Variants in SSH2 observed in about 807,000 individuals in gnomAD.
The protein encoded by SSH2 is slingshot protein phosphatase 2, also known as protein phosphatase Slingshot homolog 2.
SSH2 carries 37 observed loss-of-function variants against 135.2 expected under a neutral mutation model. That is an observed-to-expected ratio of 0.27 (90% confidence interval 0.21 to 0.36). SSH2 has a LOEUF of 0.36. Among genes scored for constraint, SSH2 ranks in the 10% least tolerant of loss-of-function variants. SSH2 has a pLI of 1.00. For missense variants in SSH2, 1,408 were observed against 1,765.3 expected, an observed-to-expected ratio of 0.80 and a Z score of 3.63; for synonymous variants, 628 against 646.2, an observed-to-expected ratio of 0.97 and a Z score of 0.43.
intron 2 of SSH2, among the ~76,000 whole-genome samples, chr17:29,810,805 T>C (rs939257274): frequency 1.3e-5 from 2 of 152,238 alleles, no homozygotes; most frequent in Non-Finnish European, 2.9e-5. Context: ...TCCAAATGAC[T>C]TTGTTAGGTT....
rs116734442 is a variant in SSH2 at position 29,806,334 on chromosome 17, C to T, written c.145-12397G>A. Among the ~76,000 whole-genome samples, 1,278 of 152,248 alleles carry T rather than the reference C, an allele frequency of 8.4e-3. 21 individuals carry two copies. The highest frequency in any genetic ancestry group is 0.028 in the African/African-American group (1,176 of 41,542). On this transcript the variant is annotated intron_variant, in intron 2 of 15. Transcript: ENST00000540801. The stretch of plus-strand genomic sequence containing the variant: ...AAGTGAGATAATTTGCTCAAAGTAA[C>T]CTAAGAGTACACAGCCAAGTCAGGA...
intron 3 of SSH2, chr17:29,776,269 A>G (rs987691458): frequency 6.6e-6 from 1 of 152,184 alleles, no homozygotes; most frequent in African/African-American, 2.4e-5. Flanking sequence ...TTTGAGCTGA[A>G]TAGGTCTCAA....
chr17:29,666,232 G>T (rs1256575419), intron 11 of SSH2, among the ~76,000 whole-genome samples: 1 of 152,106 alleles, frequency 6.6e-6, no homozygotes, highest in Non-Finnish European at 1.5e-5. Context: ...AATTAGCTGG[G>T]GGCTGGTGGC....
chr17:29,904,390 A>G (rs2066615961), intron 1 of SSH2, among the ~76,000 whole-genome samples: 1 of 152,200 alleles, frequency 6.6e-6, no homozygotes, highest in South Asian at 2.1e-4. Flanking sequence ...AACAGAACTA[A>G]AGACAAAAAC....
intron 9 of SSH2, among the ~76,000 whole-genome samples, chr17:29,669,619 C>T (rs2037410616): frequency 6.6e-6 from 1 of 151,946 alleles, no homozygotes; most frequent in African/African-American, 2.4e-5. Flanking sequence ...ACTGAAAATC[C>T]CTCTACCCAG....
intron 3 of SSH2, among the ~76,000 whole-genome samples, chr17:29,712,789 GT>G (rs1443653768): frequency 2.4e-4 from 36 of 152,278 alleles, no homozygotes; most frequent in African/African-American, 7.9e-4. Flanking sequence ...GGGTGACAGA[GT>G]AAGACTGTCT....
At chr17:29,810,436 T>C (rs2042421424) in intron 2 of SSH2, among the ~76,000 whole-genome samples, 1 of 152,244 alleles carries the variant, frequency 6.6e-6, no homozygotes, top group African/African-American at 2.4e-5. Context: ...TAGCAATCTT[T>C]ATAGCTTCTA....
intron 3 of SSH2, among the ~76,000 whole-genome samples, chr17:29,731,701 C>T (rs918406129): frequency 1.3e-5 from 2 of 152,088 alleles, no homozygotes; most frequent in Non-Finnish European, 2.9e-5. Context: ...ACTGATCTGT[C>T]CACCTGGGCC....
chr17:29,808,039 A>C (rs1189404485), intron 2 of SSH2, among the ~76,000 whole-genome samples: 1 of 152,120 alleles, frequency 6.6e-6, no homozygotes, highest in Non-Finnish European at 1.5e-5. Context: ...TTGTTTAAAG[A>C]CCATTTTCAG....
At chr17:29,680,745 T>C (rs989279450) in intron 6 of SSH2, among the ~76,000 whole-genome samples, 2 of 151,860 alleles carry the variant, frequency 1.3e-5, no homozygotes, top group Admixed American at 6.6e-5. Flanking sequence ...ACAAAAAAAT[T>C]TGTTTTGAAA....
At chr17:29,862,970 G>A (rs920062277) in intron 1 of SSH2, among the ~76,000 whole-genome samples, 3 of 152,142 alleles carry the variant, frequency 2.0e-5, no homozygotes, top group Admixed American at 6.5e-5. Flanking sequence ...ATGTAGGCAG[G>A]GGTTGGCAAA....
chr17:29,828,195 C>G (rs544730878), intron 2 of SSH2, among the ~76,000 whole-genome samples: 1 of 152,324 alleles, frequency 6.6e-6, no homozygotes, highest in Non-Finnish European at 1.5e-5. Flanking sequence ...AGTAAGTGAT[C>G]TTGATTGCAA....
intron 1 of SSH2, among the ~76,000 whole-genome samples, chr17:29,888,924 A>T (rs1411547613): frequency 8.0e-6 from 1 of 124,432 alleles, no homozygotes; most frequent in Admixed American, 8.9e-5. Flanking sequence ...AGAGTGAGAC[A>T]CTATCTCAAA....
At chr17:29,668,496 C>T (rs140129641) in intron 9 of SSH2, among the ~76,000 whole-genome samples, 6 of 151,636 alleles carry the variant, frequency 4.0e-5, no homozygotes, top group South Asian at 2.1e-4. Context: ...TTTGGGAGGC[C>T]GAGGTGGGTG....
intron 1 of SSH2, chr17:29,865,960 G>A (rs2065846795): frequency 6.6e-6 from 1 of 152,246 alleles, no homozygotes; most frequent in South Asian, 2.1e-4. Context: ...AAATTAGCCA[G>A]GCATGGTGGT....
At chr17:29,664,639 G>A (rs182466256) in intron 11 of SSH2, among the ~76,000 whole-genome samples, 4 of 152,094 alleles carry the variant, frequency 2.6e-5, no homozygotes, top group Admixed American at 2.6e-4. Flanking sequence ...GATTATAGGT[G>A]TGAGCCACCA....
intron 2 of SSH2, among the ~76,000 whole-genome samples, chr17:29,808,712 G>C (rs1465707657): frequency 6.6e-6 from 1 of 152,076 alleles, no homozygotes; most frequent in Admixed American, 6.6e-5. Flanking sequence ...TCCCTTTAAA[G>C]TCAGAGGTAA....
chr17:29,745,367 C>CA (rs1303370562), intron 3 of SSH2, among the ~76,000 whole-genome samples: 1 of 152,028 alleles, frequency 6.6e-6, no homozygotes, highest in Non-Finnish European at 1.5e-5. Flanking sequence ...ACCATGTTGG[C>CA]CAGGCTGGTC....
chr17:29,768,142 A>C (rs1487666531), intron 3 of SSH2, among the ~76,000 whole-genome samples: 2 of 152,198 alleles, frequency 1.3e-5, no homozygotes, highest in East Asian at 3.8e-4. Context: ...TACACATTAC[A>C]TTAAAAGCTA....
Sources: gnomAD v4.1 joint callset for allele counts (sites outside exome capture counted in the v4.1 genomes callset) on GRCh38, gnomAD v4.1.1 for gene constraint, MANE v1.5 for transcripts, NCBI Gene and HGNC (gene_info 2026-07-23, HGNC 2026-07-21) for gene names.